Variants in DOK5 observed in about 807,000 individuals in gnomAD.
The protein encoded by DOK5 is downstream of tyrosine kinase 5.
In DOK5, 27 loss-of-function variants were observed where a neutral mutation model predicts 43.3. The observed-to-expected ratio is 0.62, with a 90% CI of 0.46 to 0.86. The LOEUF is 0.86. Among genes scored for constraint, DOK5 ranks in the 40% least tolerant of loss-of-function variants. DOK5 has a pLI of 0.00. For synonymous variants in DOK5, 146 were observed against 140.1 expected, an observed-to-expected ratio of 1.04 and a Z score of -0.30; for missense variants, 373 against 392.9, an observed-to-expected ratio of 0.95 and a Z score of 0.43.
At position 54,591,483 on chromosome 20, in the gene DOK5, G is replaced by T. The variant is rs77291105; in HGVS notation, c.410-133G>T. On this transcript the variant is annotated intron_variant, in intron 4 of 7. Coordinates refer to ENST00000262593, the MANE Select transcript of DOK5 (RefSeq NM_018431.5). Reference sequence around the variant, plus strand: ...CTGGGACTGTTAATTAATAGGAAAGGTTTATCTTTCTGAATATGCAACCGA... The same window carrying T: ...CTGGGACTGTTAATTAATAGGAAAGTTTTATCTTTCTGAATATGCAACCGA... The T allele has an allele frequency of 9.7e-4, 611 of 632,194 alleles. 11 individuals are homozygous for T. The East Asian group carries it at 0.017, about 18-fold the overall frequency. The allele number at this position is 632,194 out of a possible 1,614,324, so 39.2% of individuals were successfully genotyped here.
intron 6 of DOK5, among the ~76,000 whole-genome samples, chr20:54,629,125 T>C (rs1366688805): frequency 6.6e-6 from 1 of 152,178 alleles, no homozygotes; most frequent in Non-Finnish European, 1.5e-5. Context: ...TCTAGTGTCA[T>C]TTGGAGAAAA....
chr20:54,476,864 T>C (rs1049460944), intron 1 of DOK5, among the ~76,000 whole-genome samples: 1 of 152,096 alleles, frequency 6.6e-6, no homozygotes. Context: ...ACCCTTCCTC[T>C]CCTTGGGACT....
At chr20:54,640,425 C>T (rs1396875202) in intron 6 of DOK5, among the ~76,000 whole-genome samples, 2 of 152,206 alleles carry the variant, frequency 1.3e-5, no homozygotes, top group East Asian at 1.9e-4. Context: ...GAAGAGGGAG[C>T]GGAAACCTGC....
chr20:54,535,307 G>C (rs563168313), intron 1 of DOK5, among the ~76,000 whole-genome samples: 1 of 151,520 alleles, frequency 6.6e-6, no homozygotes, highest in East Asian at 1.9e-4. Context: ...TTTTTTTAAA[G>C]AGTGCTTTCT....
chr20:54,582,782 A>T (rs1016068513), intron 2 of DOK5, among the ~76,000 whole-genome samples: 2 of 151,650 alleles, frequency 1.3e-5, no homozygotes, highest in African/African-American at 4.8e-5. Flanking sequence ...TCCTTAACCT[A>T]GCTATTTGTC....
At chr20:54,497,075 G>T (rs1378045843) in intron 1 of DOK5, among the ~76,000 whole-genome samples, 1 of 152,130 alleles carries the variant, frequency 6.6e-6, no homozygotes, top group Non-Finnish European at 1.5e-5. Flanking sequence ...TGTTTCCTCA[G>T]TTAAACAATA....
At chr20:54,612,157 GT>G (rs976653715) in intron 6 of DOK5, among the ~76,000 whole-genome samples, 6 of 152,180 alleles carry the variant, frequency 3.9e-5, no homozygotes, top group African/African-American at 1.4e-4. Flanking sequence ...AAAAGTGCAG[GT>G]TTTTTTCATT....
intron 1 of DOK5, among the ~76,000 whole-genome samples, chr20:54,550,869 A>AT (rs370739892): frequency 6.9e-4 from 103 of 150,036 alleles, no homozygotes; most frequent in South Asian, 2.3e-3. Flanking sequence ...TCATATACAG[A>AT]TTTTTTTTTT....
intron 2 of DOK5, among the ~76,000 whole-genome samples, chr20:54,578,949 T>G (rs964145395): frequency 1.3e-5 from 2 of 152,192 alleles, no homozygotes; most frequent in African/African-American, 4.8e-5. Context: ...CTATTGTCAT[T>G]CCTCTGCTAA....
intron 1 of DOK5, among the ~76,000 whole-genome samples, chr20:54,546,798 T>A (rs1984363705): frequency 6.6e-6 from 1 of 152,178 alleles, no homozygotes. Flanking sequence ...TGCTAATGGA[T>A]CTGCATGAGA....
At position 54,650,748 on chromosome 20, in the gene DOK5, C is replaced by A. The variant is rs758320131; in HGVS notation, c.*269C>A. ...GCTGGACAGAAAGAAGTCAATGTCA[C>A]GAAATGATTTTCTATTGTAGATACT... On this transcript the variant is annotated 3_prime_UTR_variant, in exon 8 of 8. Transcript: ENST00000262593. The A allele has an allele frequency of 2.5e-5, 8 of 324,316 alleles. No homozygotes were observed. Among genetic ancestry groups the A allele is most frequent in the Non-Finnish European group, 4.5e-5 (8 of 178,832 alleles). 20.1% of individuals were successfully genotyped at this position (324,316 alleles called of 1,614,324 possible). A position where few individuals can be genotyped will look rare whatever the true frequency, so the allele number is the denominator to read the frequency against.
chr20:54,498,899 A>T (rs1293692596), intron 1 of DOK5, among the ~76,000 whole-genome samples: 1 of 152,238 alleles, frequency 6.6e-6, no homozygotes, highest in Non-Finnish European at 1.5e-5. Flanking sequence ...ATATAGAAAT[A>T]TGGAAATATT....
At chr20:54,505,944 T>C (rs7346759) in intron 1 of DOK5, among the ~76,000 whole-genome samples, 4,994 of 152,198 alleles carry the variant, frequency 0.033, 276 homozygotes, top group African/African-American at 0.11. Flanking sequence ...ACAGACAGGA[T>C]GTTGCATTTT....
chr20:54,586,481 A>C (rs1028208462), intron 2 of DOK5, among the ~76,000 whole-genome samples: 5 of 152,224 alleles, frequency 3.3e-5, no homozygotes, highest in African/African-American at 1.2e-4. Context: ...GTCCACTTAT[A>C]ATTATTGAGT....
chr20:54,552,446 ACTAT>A (rs10557356), intron 1 of DOK5, among the ~76,000 whole-genome samples: 6,847 of 151,850 alleles, frequency 0.045, 444 homozygotes, highest in African/African-American at 0.14. Flanking sequence ...TATTATGTAC[ACTAT>A]CTATATTACT....
chr20:54,523,039 C>T lies in DOK5; in HGVS notation c.67-31894C>T, dbSNP rs1983466151. 2.0e-5 allele frequency among the ~76,000 whole-genome samples: 3 copies of T among 152,190 alleles called. No homozygotes were observed. The South Asian group carries it at 6.2e-4, about 32-fold the overall frequency. ...TAGAGTAAAAAAAGTATGTCTGGTACATAATAGGTGCTCAAAAATATTTGC... is the reference window on the plus strand; with the variant it reads ...TAGAGTAAAAAAAGTATGTCTGGTATATAATAGGTGCTCAAAAATATTTGC... On this transcript the variant is annotated intron_variant, in intron 1 of 7. Transcript: ENST00000262593.
Position 54,622,404 on chromosome 20 carries a change from C to G in DOK5, c.735+11881C>G, listed in dbSNP as rs1987009132. Among the ~76,000 whole-genome samples the G allele has an allele frequency of 1.3e-5, 2 of 152,088 alleles. 1 individual carries two copies. Among genetic ancestry groups the G allele is most frequent in the South Asian group, 4.2e-4 (2 of 4,818 alleles). On this transcript the variant is annotated intron_variant, in intron 6 of 7. Coordinates refer to ENST00000262593, the MANE Select transcript of DOK5 (RefSeq NM_018431.5). ...ATTTTCTCAGCACTTCTGTTTCAGT[C>G]TCTTATAACAACGTAATAACTTGCA... is the stretch of plus-strand genomic sequence containing the variant.
At chr20:54,484,100 T>C (rs1981831292) in intron 1 of DOK5, among the ~76,000 whole-genome samples, 1 of 151,984 alleles carries the variant, frequency 6.6e-6, no homozygotes, top group Non-Finnish European at 1.5e-5. Context: ...AAGATCAGGT[T>C]GGGTGTGGTG....
chr20:54,543,646 C>T (rs1984243974), intron 1 of DOK5, among the ~76,000 whole-genome samples: 2 of 151,604 alleles, frequency 1.3e-5, no homozygotes, highest in Admixed American at 1.3e-4. Context: ...TTACGTATAG[C>T]TCAAATCTTG....
Sources: gnomAD v4.1 joint callset for allele counts (sites outside exome capture counted in the v4.1 genomes callset) on GRCh38, gnomAD v4.1.1 for gene constraint, MANE v1.5 for transcripts, NCBI Gene and HGNC (gene_info 2026-07-23, HGNC 2026-07-21) for gene names.